Variants in CRIM1 observed in about 807,000 individuals in gnomAD.
CRIM1 encodes the protein cysteine-rich motor neuron 1 protein.
A neutral mutation model predicts 116.4 loss-of-function variants in CRIM1; 32 were observed. The observed-to-expected ratio is 0.27, with a 90% CI of 0.21 to 0.37. The LOEUF (loss-of-function observed/expected upper bound fraction) is 0.37. Ranked by LOEUF, CRIM1 falls within the 10% of genes least tolerant of loss-of-function variation. The probability of loss-of-function intolerance (pLI) is 1.00; values close to 1 mark genes in which losing one functional copy is unlikely to be tolerated. For missense variants in CRIM1, 1,331 were observed against 1,354.8 expected, an observed-to-expected ratio of 0.98 and a Z score of 0.28; for synonymous variants, 590 against 509.2, an observed-to-expected ratio of 1.16 and a Z score of -2.13.
intron 4 of CRIM1, among the ~76,000 whole-genome samples, chr2:36,445,841 G>T (rs966041140): frequency 2.0e-5 from 3 of 151,992 alleles, no homozygotes; most frequent in African/African-American, 7.2e-5. Context: ...GAAAAACTAC[G>T]TAACTTTATT....
intron 1 of CRIM1, among the ~76,000 whole-genome samples, chr2:36,391,045 A>C (rs925321653): frequency 2.0e-5 from 3 of 150,326 alleles, no homozygotes; most frequent in African/African-American, 7.4e-5. Flanking sequence ...CCTGGGGTGA[A>C]GTCATCTGCC....
At chr2:36,366,652 C>G (rs1669621788) in intron 1 of CRIM1, among the ~76,000 whole-genome samples, 1 of 152,094 alleles carries the variant, frequency 6.6e-6, no homozygotes, top group Non-Finnish European at 1.5e-5. Context: ...AGATTCAAAA[C>G]AGAAAGGAAT....
chr2:36,463,090 A>C (rs79257854), intron 4 of CRIM1, among the ~76,000 whole-genome samples: 2,073 of 152,276 alleles, frequency 0.014, 48 homozygotes, highest in African/African-American at 0.048. Context: ...CAGGAATCCA[A>C]TAGAACTGCC....
intron 8 of CRIM1, among the ~76,000 whole-genome samples, chr2:36,501,737 A>G (rs1385901947): frequency 7.5e-6 from 1 of 132,788 alleles, no homozygotes; most frequent in East Asian, 2.0e-4. Flanking sequence ...ACTAACAAAC[A>G]AAAAAAAAAC....
In CRIM1 at chr2:36,360,670, C is replaced by T. The variant is rs1018209063; in HGVS notation, c.331+4047C>T. ...ATGGCTGCTTGGAAGAAAATGTATGCGGGATCTGCTCCAGAAAGCAGGCTG... is the reference window on the plus strand; with the variant it reads ...ATGGCTGCTTGGAAGAAAATGTATGTGGGATCTGCTCCAGAAAGCAGGCTG... On this transcript the variant is annotated intron_variant, in intron 1 of 16. Coordinates refer to ENST00000280527, the MANE Select transcript of CRIM1 (RefSeq NM_016441.3). Among the ~76,000 whole-genome samples the T allele has an allele frequency of 7.2e-5, 11 of 152,090 alleles. No individual in the cohort carries two copies. In the South Asian group the frequency reaches 1.7e-3, roughly 23 times the overall value.
At chr2:36,520,491 T>G (rs527619244) in intron 12 of CRIM1, among the ~76,000 whole-genome samples, 3 of 152,308 alleles carry the variant, frequency 2.0e-5, no homozygotes, top group African/African-American at 7.2e-5. Context: ...AAAAGGTCAT[T>G]GAGAAAGTCA....
chr2:36,402,843 T>C (rs954054361), intron 2 of CRIM1, among the ~76,000 whole-genome samples: 1 of 151,864 alleles, frequency 6.6e-6, no homozygotes, highest in African/African-American at 2.4e-5. Flanking sequence ...TGCCCTTTAC[T>C]AGAGGGAGGA....
intron 7 of CRIM1, among the ~76,000 whole-genome samples, chr2:36,486,144 C>T (rs1451054746): frequency 6.6e-6 from 1 of 152,196 alleles, no homozygotes; most frequent in Non-Finnish European, 1.5e-5. Context: ...AAAAGACACT[C>T]ACATCCAGCC....
intron 5 of CRIM1, among the ~76,000 whole-genome samples, chr2:36,474,982 A>G (rs1678850949): frequency 6.6e-6 from 1 of 152,164 alleles, no homozygotes; most frequent in Non-Finnish European, 1.5e-5. Flanking sequence ...GCAGTACCAC[A>G]TAGTCTTGAT....
chr2:36,441,070 T>C (rs1272450361), intron 2 of CRIM1, among the ~76,000 whole-genome samples, 188 bp from the exon 3 acceptor site: 1 of 152,170 alleles, frequency 6.6e-6, no homozygotes, highest in East Asian at 1.9e-4. Flanking sequence ...GCTCATATTT[T>C]GGTGTCATGG....
chr2:36,374,923 T>G (rs1670208655), intron 1 of CRIM1, among the ~76,000 whole-genome samples: 1 of 152,078 alleles, frequency 6.6e-6, no homozygotes. Flanking sequence ...TATGGAAGCT[T>G]TGTAAAGTTA....
At position 36,546,964 on chromosome 2, in the gene CRIM1, T is replaced by G; in HGVS notation, c.2747-20T>G. 2 of 1,445,584 alleles carry G rather than the reference T, an allele frequency of 1.4e-6. No homozygotes were observed. Among genetic ancestry groups the G allele is most frequent in the Non-Finnish European group, 1.9e-6 (2 of 1,048,870 alleles). 89.5% of individuals were successfully genotyped at this position (1,445,584 alleles called of 1,614,324 possible). A position where few individuals can be genotyped will look rare whatever the true frequency, so the allele number is the denominator to read the frequency against. On this transcript the variant is annotated intron_variant, in intron 15 of 16. Transcript: ENST00000280527. ...AATTCTGGTTTAGGTAATAAATGCT[T>G]ATAATTTTTTTTCTCCTAGATATGG...
At position 36,356,131 on chromosome 2, in the gene CRIM1, C is replaced by CCTCGCCCCGCGAGGGGAGG. The variant is rs1668775665; in HGVS notation, c.-160_-142dup. 1 of 163,960 alleles carries CCTCGCCCCGCGAGGGGAGG rather than the reference C, an allele frequency of 6.1e-6. No homozygotes were observed. Among genetic ancestry groups the CCTCGCCCCGCGAGGGGAGG allele is most frequent in the African/African-American group, 2.4e-5 (1 of 41,302 alleles). The allele number at this position is 163,960 out of a possible 1,614,324, so 10.2% of individuals were successfully genotyped here. On this transcript the variant is annotated 5_prime_UTR_variant, in exon 1 of 17. Coordinates refer to ENST00000280527, the MANE Select transcript of CRIM1 (RefSeq NM_016441.3). The surrounding 1 kb of genome is among the most constrained non-coding windows in gnomAD (Gnocchi z 4.3). ...GCGCGGCCCGCAGAAGGGGCGGGGGCCTCGCCCCGCGAGGGGAGGCGCGCC... is the reference window on the plus strand; with the variant it reads ...GCGCGGCCCGCAGAAGGGGCGGGGGCCTCGCCCCGCGAGGGGAGGCTCGCCCCGCGAGGGGAGGCGCGCC...
chr2:36,457,433 C>T (rs1457712856), intron 4 of CRIM1, among the ~76,000 whole-genome samples: 2 of 152,188 alleles, frequency 1.3e-5, no homozygotes, highest in Non-Finnish European at 1.5e-5. Context: ...AGTTTCTGCT[C>T]ACTGTACACA....
At chr2:36,518,753 C>A (rs1464290038) in intron 12 of CRIM1, among the ~76,000 whole-genome samples, 1 of 152,186 alleles carries the variant, frequency 6.6e-6, no homozygotes, top group African/African-American at 2.4e-5. Context: ...CACTCAGATT[C>A]AAACCCTACT....
intron 1 of CRIM1, among the ~76,000 whole-genome samples, chr2:36,375,790 G>T (rs151162846): frequency 6.6e-6 from 1 of 152,134 alleles, no homozygotes; most frequent in Non-Finnish European, 1.5e-5. Flanking sequence ...AGCATACTTT[G>T]TACTAAAAAA....
intron 1 of CRIM1, among the ~76,000 whole-genome samples, chr2:36,363,167 T>C (rs1246497122): frequency 7.1e-6 from 1 of 140,494 alleles, no homozygotes. Flanking sequence ...ACCACTGCAC[T>C]CCAGCCTGGG....
intron 1 of CRIM1, among the ~76,000 whole-genome samples, chr2:36,381,472 A>G (rs1670766218): frequency 6.6e-6 from 1 of 152,172 alleles, no homozygotes; most frequent in African/African-American, 2.4e-5. Context: ...AAAGGATGTG[A>G]GGGGAAGGAG....
At chr2:36,440,792 C>T (rs1236274569) in intron 2 of CRIM1, among the ~76,000 whole-genome samples, 1 of 152,138 alleles carries the variant, frequency 6.6e-6, no homozygotes, top group Non-Finnish European at 1.5e-5. Context: ...AGGTAGAGTT[C>T]CTCCATGTTG....
Sources: allele counts gnomAD v4.1 joint callset (sites outside exome capture counted in the v4.1 genomes callset), GRCh38; gene constraint gnomAD v4.1.1; non-coding constraint Gnocchi (gnomAD v3.1); transcripts MANE v1.5; gene names NCBI Gene and HGNC (gene_info 2026-07-23, HGNC 2026-07-21).